The following DTNA variants were observed in gnomAD, a reference collection of about 807,000 sequenced individuals.
DTNA encodes dystrophin-related protein 3.
DTNA carries 43 observed loss-of-function variants against 100.7 expected under a neutral mutation model. That is an observed-to-expected ratio of 0.43 (90% CI 0.33 to 0.55). The LOEUF is 0.55. Ranked by LOEUF, DTNA falls within the 20% of genes least tolerant of loss-of-function variation. The pLI, the probability that DTNA is intolerant of heterozygous loss-of-function variation, is 0.04. For missense variants in DTNA, 798 were observed against 953.9 expected, an observed-to-expected ratio of 0.84 and a Z score of 2.15; for synonymous variants, 349 against 347.9, an observed-to-expected ratio of 1.00 and a Z score of -0.04.
At chr18:34,866,992 CAAATTAAATTAAATT>C (rs1568846630) in intron 17 of DTNA, 2 of 1,148,446 alleles carry the variant, frequency 1.7e-6, no homozygotes, top group Non-Finnish European at 2.1e-6. Context: ...AAAAAAAAAA[CAAATTAAATTAAATT>C]AAATTAAATT....
chr18:34,776,257 T>C (rs2094042375), intron 3 of DTNA, among the ~76,000 whole-genome samples: 1 of 151,992 alleles, frequency 6.6e-6, no homozygotes, highest in Non-Finnish European at 1.5e-5. Context: ...GAGAGAGAAG[T>C]CAAAAGTCAA....
At chr18:34,665,403 A>T (rs930847560) in intron 1 of DTNA, among the ~76,000 whole-genome samples, 8 of 152,082 alleles carry the variant, frequency 5.3e-5, no homozygotes, top group African/African-American at 1.9e-4. Context: ...TTTAATGCAT[A>T]TTAGAGAAGA....
At chr18:34,629,757 C>T (rs1354549777) in intron 1 of DTNA, among the ~76,000 whole-genome samples, 1 of 152,150 alleles carries the variant, frequency 6.6e-6, no homozygotes, top group Non-Finnish European at 1.5e-5. Flanking sequence ...TTCTCATGGG[C>T]TTCTACCACC....
At position 34,785,504 on chromosome 18, in the gene DTNA, T is replaced by C. The variant is rs187925042; in HGVS notation, c.149-8533T>C. ...TGCCTAAAATTTATATAGTACTTTA[T>C]ATTTTACTCTTTTCCCATGTACATT... On this transcript the variant is annotated intron_variant, in intron 3 of 22. Coordinates refer to ENST00000444659, the MANE Select transcript of DTNA (RefSeq NM_001386795.1). 3.3e-3 allele frequency among the ~76,000 whole-genome samples: 496 copies of C among 152,340 alleles called. 5 individuals are homozygous for C. Among genetic ancestry groups the C allele is most frequent in the South Asian group, 0.021 (103 of 4,828 alleles).
At chr18:34,629,352 T>C (rs1284297408) in intron 1 of DTNA, among the ~76,000 whole-genome samples, 1 of 152,240 alleles carries the variant, frequency 6.6e-6, no homozygotes, top group Non-Finnish European at 1.5e-5. Flanking sequence ...TTTCCATAAG[T>C]AACTGTACAA....
chr18:34,508,901 G>T (rs1004581403), intron 1 of DTNA, among the ~76,000 whole-genome samples: 2 of 151,906 alleles, frequency 1.3e-5, no homozygotes, highest in African/African-American at 4.8e-5. Flanking sequence ...GTCTTTTTCT[G>T]TGTGAGCTGA....
chr18:34,848,165 A>G, intron 13 of DTNA, 131 bp from the exon 14 acceptor site: 3 of 799,694 alleles, frequency 3.8e-6, no homozygotes, highest in Non-Finnish European at 6.4e-6. Flanking sequence ...TTGTTATTCT[A>G]ACAGGGTTTT....
At chr18:34,544,275 T>C (rs1253302149) in intron 1 of DTNA, among the ~76,000 whole-genome samples, 6 of 152,090 alleles carry the variant, frequency 3.9e-5, no homozygotes, top group Non-Finnish European at 8.8e-5. Flanking sequence ...TATCACACTA[T>C]AGTGTTATAT....
chr18:34,826,555 AAATTTGGATCTT>A (rs2095862567), intron 9 of DTNA, among the ~76,000 whole-genome samples: 1 of 152,198 alleles, frequency 6.6e-6, no homozygotes, highest in South Asian at 2.1e-4. Flanking sequence ...AACCATTTAC[AAATTTGGATCTT>A]AATTATGCCA....
intron 21 of DTNA, among the ~76,000 whole-genome samples, chr18:34,884,394 A>G (rs888887340): frequency 3.9e-5 from 6 of 152,200 alleles, no homozygotes; most frequent in Non-Finnish European, 8.8e-5. Context: ...TGGAGTTTTT[A>G]CCATCGCTGG....
chr18:34,744,602 T>C (rs547278104), intron 1 of DTNA, among the ~76,000 whole-genome samples: 1 of 152,040 alleles, frequency 6.6e-6, no homozygotes, highest in Admixed American at 6.5e-5. Context: ...GAGCAGAGAA[T>C]GAGAGAATAA....
intron 3 of DTNA, among the ~76,000 whole-genome samples, chr18:34,784,789 A>G (rs1397152043): frequency 6.6e-6 from 1 of 152,110 alleles, no homozygotes; most frequent in Non-Finnish European, 1.5e-5. Flanking sequence ...TGCTGGTTGG[A>G]TTTAATTTCT....
At position 34,869,313 on chromosome 18, in the gene DTNA, T is replaced by TAC. The variant is rs143769065; in HGVS notation, c.1743+5267_1743+5268dup. 5.1e-3 allele frequency among the ~76,000 whole-genome samples: 775 copies of TAC among 150,954 alleles called. 5 individuals carry two copies. The highest frequency in any genetic ancestry group is 0.017 in the African/African-American group (687 of 41,282). On this transcript the variant is annotated intron_variant, in intron 17 of 22. Transcript: ENST00000444659. ...GGTCCATATTTTACACACACTCACA[T>TAC]ACACACACACACACACATTCACTTC...
intron 3 of DTNA, among the ~76,000 whole-genome samples, chr18:34,772,882 T>C (rs1297936590): frequency 6.6e-6 from 1 of 152,224 alleles, no homozygotes; most frequent in African/African-American, 2.4e-5. Context: ...GGATCAAGGT[T>C]CTCTTCTAAG....
intron 1 of DTNA, among the ~76,000 whole-genome samples, chr18:34,630,892 A>G (rs2057998916): frequency 6.6e-6 from 1 of 152,204 alleles, no homozygotes; most frequent in Non-Finnish European, 1.5e-5. Flanking sequence ...TCATCAGCAT[A>G]TAAATGTTAT....
chr18:34,652,515 A>G (rs889351954), intron 1 of DTNA, among the ~76,000 whole-genome samples: 2 of 152,192 alleles, frequency 1.3e-5, no homozygotes, highest in African/African-American at 2.4e-5. Flanking sequence ...GCATTTACTG[A>G]GTAACTGGTA....
chr18:34,813,849 A>C (rs1032431507), intron 6 of DTNA, among the ~76,000 whole-genome samples: 4 of 151,950 alleles, frequency 2.6e-5, no homozygotes, highest in African/African-American at 4.8e-5. Flanking sequence ...CTCAAAAAAA[A>C]AAAAAAAAAA....
chr18:34,876,262 A>G (rs1390285529), intron 18 of DTNA, among the ~76,000 whole-genome samples: 3 of 152,236 alleles, frequency 2.0e-5, no homozygotes, highest in Non-Finnish European at 2.9e-5. Flanking sequence ...TATATCATTA[A>G]CATTCTTCGA....
rs181193808 is a variant in DTNA at position 34,858,894 on chromosome 18, C to T, written c.1646+496C>T. On this transcript the variant is annotated intron_variant, in intron 16 of 22. Coordinates refer to ENST00000444659, the MANE Select transcript of DTNA (RefSeq NM_001386795.1). ...CCAAAGTGCTGAGATTACAGGCGTG[C>T]GCCACCACACCCGGCCAGCAGTGTT... Among the ~76,000 whole-genome samples, 429 of 152,264 alleles carry T rather than the reference C, an allele frequency of 2.8e-3. 5 individuals are homozygous for T. The highest frequency in any genetic ancestry group is 0.01 in the African/African-American group (416 of 41,566).
Sources: allele counts gnomAD v4.1 joint callset (sites outside exome capture counted in the v4.1 genomes callset), GRCh38; gene constraint gnomAD v4.1.1; transcripts MANE v1.5; gene names NCBI Gene and HGNC (gene_info 2026-07-23, HGNC 2026-07-21).